Variants in ANO4 observed in about 807,000 individuals in gnomAD.
ANO4 encodes anoctamin 4.
ANO4 carries 69 observed loss-of-function variants against 141.9 expected under a neutral mutation model. The observed-to-expected ratio is 0.49, with a 90% CI of 0.40 to 0.59. The LOEUF (loss-of-function observed/expected upper bound fraction) is 0.59, where lower values mean the gene tolerates loss of function less well. ANO4 is among the 20% of genes least tolerant of loss of function. ANO4 has a pLI of 0.00. For synonymous variants in ANO4, 350 were observed against 394.3 expected (o/e 0.89, Z 1.33); for missense variants, 894 against 1,162.2 (o/e 0.77, Z 3.36).
intron 3 of ANO4, among the ~76,000 whole-genome samples, chr12:100,930,886 T>G (rs1435938198): frequency 6.6e-6 from 1 of 152,116 alleles, no homozygotes; most frequent in Non-Finnish European, 1.5e-5. Context: ...AAGGTGAGCC[T>G]TGCCCGCTCA....
intron 8 of ANO4, among the ~76,000 whole-genome samples, chr12:100,998,944 C>T (rs1181869564): frequency 2.0e-5 from 3 of 152,112 alleles, no homozygotes; most frequent in African/African-American, 4.8e-5. Context: ...AGTAAGGTAT[C>T]GTCATTATCC....
At chr12:100,886,414 G>A (rs1043267655) in intron 1 of ANO4, among the ~76,000 whole-genome samples, 1 of 152,104 alleles carries the variant, frequency 6.6e-6, no homozygotes, top group South Asian at 2.1e-4. Context: ...CACTGCTCAC[G>A]CATCTTAAAC....
chr12:101,095,943 T>A (rs532226360), intron 18 of ANO4, among the ~76,000 whole-genome samples: 44 of 152,202 alleles, frequency 2.9e-4, no homozygotes, highest in Non-Finnish European at 6.0e-4. Context: ...CAGGAAATTA[T>A]AAGACACAGA....
At chr12:100,830,581 C>T (rs1271626164) in intron 1 of ANO4, among the ~76,000 whole-genome samples, 1 of 151,968 alleles carries the variant, frequency 6.6e-6, no homozygotes. Context: ...GCCCTCTGTT[C>T]TTACAGCAGA....
intron 1 of ANO4, among the ~76,000 whole-genome samples, chr12:100,721,571 G>A (rs2030867690): frequency 6.6e-6 from 1 of 152,152 alleles, no homozygotes; most frequent in Non-Finnish European, 1.5e-5. Flanking sequence ...GAAACAGAGT[G>A]GCTAGAGGTT....
At chr12:100,738,103 A>T (rs2031691279) in intron 2 of ANO4, among the ~76,000 whole-genome samples, 1 of 152,068 alleles carries the variant, frequency 6.6e-6, no homozygotes, top group African/African-American at 2.4e-5. Context: ...AGTTAACATT[A>T]TTTTTTCTCA....
chr12:101,083,684 A>T lies in ANO4; in HGVS notation c.1402A>T (p.Ile468Leu), dbSNP rs925949498. ...LIDWEEEEEEIRPQFEAKYSK... is the reference protein window; with the variant it reads ...LIDWEEEEEELRPQFEAKYSK... ...GTGTCTGCTTGTCCTTTAGGAAGAA[A>T]TACGACCCCAGTTTGAAGCCAAGTA... is the stretch of plus-strand genomic sequence containing the variant. Residue 468 changes from isoleucine (I) to leucine (L), a missense_variant, in exon 16 of 28, where the codon ATA (isoleucine) becomes TTA (leucine). Ile to Leu is a conservative substitution (Grantham distance 5, BLOSUM62 2). Transcript: ENST00000392977. The T allele has an allele frequency of 1.7e-5, 27 of 1,606,110 alleles. No homozygotes were observed. Among genetic ancestry groups the T allele is most frequent in the Non-Finnish European group, 2.2e-5 (26 of 1,178,264 alleles).
intron 5 of ANO4, among the ~76,000 whole-genome samples, chr12:100,960,534 A>G (rs2043372473): frequency 6.6e-6 from 1 of 152,138 alleles, no homozygotes; most frequent in Non-Finnish European, 1.5e-5. Flanking sequence ...ACCCTTCCCA[A>G]GTGCACATGT....
chr12:101,061,508 T>C (rs947881467), intron 14 of ANO4, among the ~76,000 whole-genome samples: 2 of 152,124 alleles, frequency 1.3e-5, no homozygotes, highest in Non-Finnish European at 1.5e-5. Flanking sequence ...CCCATCACTT[T>C]CAGGTACACC....
intron 1 of ANO4, among the ~76,000 whole-genome samples, chr12:100,722,069 G>A (rs2030893556): frequency 1.3e-5 from 2 of 152,104 alleles, no homozygotes; most frequent in South Asian, 2.1e-4. Context: ...AAATGCAATA[G>A]TACTGTCAAG....
At chr12:100,945,519 A>T (rs1000153852) in intron 5 of ANO4, among the ~76,000 whole-genome samples, 1 of 152,218 alleles carries the variant, frequency 6.6e-6, no homozygotes, top group African/African-American at 2.4e-5. Flanking sequence ...TCCCTTCTTA[A>T]AGGTAAGCTC....
intron 1 of ANO4, among the ~76,000 whole-genome samples, chr12:100,817,629 G>A (rs1340960381): frequency 6.6e-6 from 1 of 151,888 alleles, no homozygotes; most frequent in Non-Finnish European, 1.5e-5. Flanking sequence ...TGGATTCCAT[G>A]TTTATGTCTG....
rs866618724 is a variant in ANO4 at position 100,877,127 on chromosome 12, C to T, written c.-140-24519C>T. On this transcript the variant is annotated intron_variant, in intron 1 of 27. Coordinates refer to ENST00000392977, the MANE Select transcript of ANO4 (RefSeq NM_001286615.2). Reference sequence around the variant, plus strand: ...ATTGCCAGGGGCTGAGGGTAGGGGACGGATAAAGGAGAGCTGTTGTTCAAC... The same window carrying T: ...ATTGCCAGGGGCTGAGGGTAGGGGATGGATAAAGGAGAGCTGTTGTTCAAC... Among the ~76,000 whole-genome samples the T allele has an allele frequency of 1.1e-4, 16 of 151,968 alleles. 1 individual carries two copies. The highest frequency in any genetic ancestry group is 4.2e-4 in the South Asian group (2 of 4,802).
chr12:101,108,978 G>T (rs2050555492), intron 22 of ANO4, among the ~76,000 whole-genome samples: 1 of 152,128 alleles, frequency 6.6e-6, no homozygotes, highest in Non-Finnish European at 1.5e-5. Flanking sequence ...CCAAGATCCA[G>T]CATTGCATTT....
chr12:100,861,936 C>T (rs966281980), intron 1 of ANO4, among the ~76,000 whole-genome samples: 6 of 152,156 alleles, frequency 3.9e-5, no homozygotes, highest in Admixed American at 2.0e-4. Context: ...TCACTGTCTT[C>T]CATCTCCACA....
intron 5 of ANO4, among the ~76,000 whole-genome samples, chr12:100,950,272 T>C (rs548672707): frequency 1.3e-5 from 2 of 152,220 alleles, no homozygotes; most frequent in African/African-American, 4.8e-5. Flanking sequence ...CACCCAATAA[T>C]CTCCACTTTA....
chr12:100,965,429 G>T (rs1475199241), intron 5 of ANO4, among the ~76,000 whole-genome samples: 1 of 152,010 alleles, frequency 6.6e-6, no homozygotes, highest in Non-Finnish European at 1.5e-5. Flanking sequence ...GCTTCCTGTG[G>T]ACCATTCTCT....
Position 101,127,077 on chromosome 12 carries a change from A to G in ANO4, c.*4+3A>G. The G allele has an allele frequency of 6.2e-7, 1 of 1,609,990 alleles. No individual in the cohort carries two copies. Among genetic ancestry groups the G allele is most frequent in the South Asian group, 1.1e-5 (1 of 90,546 alleles). ...CCACAACGAGTGGCCGTGACCATGT[A>G]GGTGAGAGGTGTGCTCAGCGTCTGA... is the stretch of plus-strand genomic sequence containing the variant. On this transcript the variant is annotated splice_donor_region_variant and intron_variant, in intron 27 of 27. Coordinates refer to ENST00000392977, the MANE Select transcript of ANO4 (RefSeq NM_001286615.2).
At chr12:100,808,345 A>G (rs2035190844) in intron 1 of ANO4, among the ~76,000 whole-genome samples, 1 of 152,118 alleles carries the variant, frequency 6.6e-6, no homozygotes. Context: ...TCGTTGCCAC[A>G]TGTATATCTT....
Sources: gnomAD v4.1 joint callset for allele counts (sites outside exome capture counted in the v4.1 genomes callset) on GRCh38, gnomAD v4.1.1 for gene constraint, MANE v1.5 for transcripts, NCBI Gene and HGNC (gene_info 2026-07-23, HGNC 2026-07-21) for gene names.